The following ZNF665 variants were observed in gnomAD, a reference collection of about 807,000 sequenced individuals.
The protein encoded by ZNF665 is zinc finger protein 665.
Under a neutral mutation model 7.9 loss-of-function variants are expected in ZNF665, and 6 were observed. The observed-to-expected ratio is 0.76, with a 90% CI of 0.42 to 1.50. ZNF665 has a LOEUF of 1.50. Ranked by LOEUF, ZNF665 falls within the 40% of genes most tolerant of loss-of-function variation. The probability of loss-of-function intolerance (pLI) is 0.01; values close to 1 mark genes in which losing one functional copy is unlikely to be tolerated. For synonymous variants in ZNF665, 242 were observed against 274.5 expected, an observed-to-expected ratio of 0.88 and a Z score of 1.17; for missense variants, 819 against 806.7, an observed-to-expected ratio of 1.02 and a Z score of -0.18.
Position 53,176,922 on chromosome 19 carries a change from C to T in ZNF665, c.16-1351G>A, listed in dbSNP as rs549859456. Among the ~76,000 whole-genome samples the T allele has an allele frequency of 4.6e-5, 7 of 152,038 alleles. 1 individual carries two copies. The highest frequency in any genetic ancestry group is 4.4e-5 in the Non-Finnish European group (3 of 68,000). On this transcript the variant is annotated intron_variant, in intron 2 of 3. Transcript: ENST00000396424. ...ATCACCTGAGGTCAGGAGTTCGAGA[C>T]GAGCCTGGCCAACATGGCAAAACCC...
rs1157994913 is a variant in ZNF665, at chr19:53,166,222, C to T, written c.268G>A (p.Glu90Lys). 1 of 1,613,922 alleles carries T rather than the reference C, an allele frequency of 6.2e-7. No homozygotes were observed. Among genetic ancestry groups the T allele is most frequent in the Admixed American group, 1.7e-5 (1 of 60,010 alleles). The change falls in exon 4 of 4, where the codon GAA becomes AAA. Residue 90 changes from glutamate (E) to lysine (K), a missense_variant. By Grantham distance (56) the Glu-to-Lys change is moderately conservative. Coordinates refer to ENST00000396424, the MANE Select transcript of ZNF665 (RefSeq NM_024733.5). The part of the protein sequence containing the change: ...SCDTVGLSFQ[E>K]VQKNTYDFEC... ...AAGTCGTATGTATTTTTCTGAACTT[C>T]CTGGAAGGACAAGCCTACAGTGTCA...
At chr19:53,174,391 A>G (rs11084222) in intron 3 of ZNF665, among the ~76,000 whole-genome samples, 77,094 of 151,996 alleles carry the variant, frequency 0.51, 23,138 homozygotes, top group South Asian at 0.72. Flanking sequence ...ATTAAGTGGT[A>G]GGGAAAAAAA....
chr19:53,178,783 G>A (rs1288094303), intron 2 of ZNF665, among the ~76,000 whole-genome samples: 1 of 152,128 alleles, frequency 6.6e-6, no homozygotes. Flanking sequence ...AAAAGTCCTA[G>A]AAAGATACAG....
intron 3 of ZNF665, among the ~76,000 whole-genome samples, chr19:53,167,482 T>C (rs1184294939): frequency 1.3e-5 from 2 of 149,388 alleles, no homozygotes; most frequent in South Asian, 4.3e-4. Flanking sequence ...GGAGACAGAG[T>C]CTCGCTTTGT....
intron 3 of ZNF665, among the ~76,000 whole-genome samples, chr19:53,171,929 A>G (rs796463977): frequency 2.0e-5 from 3 of 151,838 alleles, no homozygotes; most frequent in African/African-American, 7.2e-5. Flanking sequence ...TACTTTTTGT[A>G]TGTTTAGTAG....
At chr19:53,185,151 A>T (rs1459481863) in intron 1 of ZNF665, among the ~76,000 whole-genome samples, 16 of 151,622 alleles carry the variant, frequency 1.1e-4, no homozygotes. Context: ...CCTCCACAAG[A>T]GGTGGAGGAG....
chr19:53,185,780 T>C (rs2090773547), intron 1 of ZNF665, among the ~76,000 whole-genome samples: 1 of 151,820 alleles, frequency 6.6e-6, no homozygotes, highest in African/African-American at 2.4e-5. Context: ...AAAAGGTTAA[T>C]GGTATGTCCT....
In ZNF665 at chr19:53,164,747, T is replaced by A. The variant is rs761402244; in HGVS notation, c.1743A>T (p.Val581=). The A allele has an allele frequency of 1.6e-5, 26 of 1,614,216 alleles. No individual in the cohort carries two copies. The highest frequency in any genetic ancestry group is 2.2e-5 in the Non-Finnish European group (26 of 1,180,032). The change falls in exon 4 of 4, where the codon GTA becomes GTT. Residue 581 remains valine, a synonymous_variant. Transcript: ENST00000396424. The part of the protein sequence containing the change: ...KCNECGKAFS[V]HSNLATHQVI... The stretch of plus-strand genomic sequence containing the variant: ...CCTGATGGGTAGCTAGGTTTGAATG[T>A]ACACTAAATGCTTTGCCGCACTCAT...
At chr19:53,189,051 C>CTGTGTGTGTGTGTGTGTGTGTG (rs60689265) in intron 1 of ZNF665, among the ~76,000 whole-genome samples, 13 of 137,754 alleles carry the variant, frequency 9.4e-5, no homozygotes, top group African/African-American at 3.1e-4. Flanking sequence ...GCTTTATTTT[C>CTGTGTGTGTGTGTGTGTGTGTG]TGTGTGTGTG....
intron 1 of ZNF665, among the ~76,000 whole-genome samples, chr19:53,190,751 T>C (rs2090810774): frequency 6.6e-6 from 1 of 152,172 alleles, no homozygotes; most frequent in South Asian, 2.1e-4. Context: ...CTGGCCAACA[T>C]GGTGAACCCC....
intron 1 of ZNF665, among the ~76,000 whole-genome samples, chr19:53,184,436 C>T (rs992914204): frequency 1.3e-5 from 2 of 152,068 alleles, no homozygotes; most frequent in African/African-American, 4.8e-5. Context: ...TGGGGAACAC[C>T]TTTGGGGGAA....
intron 3 of ZNF665, among the ~76,000 whole-genome samples, chr19:53,173,840 G>C (rs1007250008): frequency 6.6e-6 from 1 of 152,088 alleles, no homozygotes; most frequent in South Asian, 2.1e-4. Context: ...AAAAAAACAG[G>C]ATACATGCCC....
rs1241962280 is a variant in ZNF665, at chr19:53,165,224, T to G, written c.1266A>C (p.Arg422Ser). 6.2e-7 allele frequency: 1 copy of G among 1,614,046 alleles called. No individual in the cohort carries two copies. Among genetic ancestry groups the G allele is most frequent in the Admixed American group, 1.7e-5 (1 of 60,000 alleles). Residue 422 changes from arginine (R) to serine (S), a missense_variant, in exon 4 of 4, where the codon AGA becomes AGC. Arg to Ser is a moderately radical substitution (Grantham distance 110). Transcript: ENST00000396424. ...TQYSHLANHR[R>S]IHTGEKPYRC... ...TGTAAGGTTTCTCTCCAGTATGAAT[T>G]CTTCGATGATTTGCTAAGTGTGAAT...
rs1249450126 is a variant in ZNF665, at chr19:53,165,608, T to G, written c.882A>C (p.Glu294Asp). The change falls in exon 4 of 4, where the codon GAA becomes GAC. Residue 294 changes from glutamate to aspartate, a missense_variant. By Grantham distance (45) the Glu-to-Asp change is conservative. Transcript: ENST00000396424. ...HTGEKPYKCKECGKCFTQNSH... is the reference protein window; with the variant it reads ...HTGEKPYKCKDCGKCFTQNSH... The stretch of plus-strand genomic sequence containing the variant: ...AATTTTGAGTGAAGCACTTGCCACA[T>G]TCCTTACATTTGTAAGGTTTTTCTC... The G allele has an allele frequency of 6.2e-7, 1 of 1,614,126 alleles. No individual in the cohort carries two copies. The highest frequency in any genetic ancestry group is 8.5e-7 in the Non-Finnish European group (1 of 1,180,020).
intron 2 of ZNF665, chr19:53,179,750 G>A (rs1391641918): frequency 6.6e-6 from 1 of 152,158 alleles, no homozygotes; most frequent in Non-Finnish European, 1.5e-5. Flanking sequence ...CTTGAAGTTG[G>A]TCGGTCAGAA....
chr19:53,192,639 C>T (rs1306697730), intron 1 of ZNF665, among the ~76,000 whole-genome samples: 1 of 152,190 alleles, frequency 6.6e-6, no homozygotes, highest in Admixed American at 6.5e-5. Flanking sequence ...CTCTCAGCCC[C>T]CCTCTCTGTC....
chr19:53,166,080 A>G lies in ZNF665; in HGVS notation c.410T>C (p.Ile137Thr), dbSNP rs1314638402. Reference protein sequence around the residue: ...RDRRAAGNRHIENQLGVSFQS... With the variant: ...RDRRAAGNRHTENQLGVSFQS... ...AAAGCTTACTCCAAGCTGATTTTCAATATGCCTGTTTCCTGCAGCCCTTCT... is the reference window on the plus strand; with the variant it reads ...AAAGCTTACTCCAAGCTGATTTTCAGTATGCCTGTTTCCTGCAGCCCTTCT... Residue 137 changes from isoleucine to threonine, a missense_variant, in exon 4 of 4, where the codon ATT becomes ACT. Coordinates refer to ENST00000396424, the MANE Select transcript of ZNF665 (RefSeq NM_024733.5). 6 of 1,613,978 alleles carry G rather than the reference A, an allele frequency of 3.7e-6. No homozygotes were observed. The highest frequency in any genetic ancestry group is 1.6e-4 in the Middle Eastern group (1 of 6,084).
intron 2 of ZNF665, among the ~76,000 whole-genome samples, chr19:53,178,548 A>T (rs1282589793): frequency 6.6e-6 from 1 of 152,214 alleles, no homozygotes; most frequent in East Asian, 1.9e-4. Context: ...ACATAGCAAG[A>T]CCTTGTTTCT....
At position 53,183,049 on chromosome 19, in the gene ZNF665, A is replaced by C. The variant is rs572398778; in HGVS notation, c.-45-106T>G. 17 of 1,210,426 alleles carry C rather than the reference A, an allele frequency of 1.4e-5. 1 individual carries two copies. The Admixed American group carries it at 1.9e-4, about 14-fold the overall frequency. 75.0% of individuals were successfully genotyped at this position (1,210,426 alleles called of 1,614,324 possible). ...CCCTCCCTGGGCCATAACCTTATAC[A>C]CAGGGAAGACCTTATACACAGGGAA... On this transcript the variant is annotated intron_variant, in intron 1 of 3. Transcript: ENST00000396424.
Sources: allele counts gnomAD v4.1 joint callset (sites outside exome capture counted in the v4.1 genomes callset), GRCh38; gene constraint gnomAD v4.1.1; transcripts MANE v1.5; gene names NCBI Gene and HGNC (gene_info 2026-07-23, HGNC 2026-07-21).